The following STOX2 variants were observed in gnomAD, a reference collection of about 807,000 sequenced individuals.
The protein encoded by STOX2 is storkhead box 2.
STOX2 carries 28 observed loss-of-function variants against 60.9 expected under a neutral mutation model. That is an observed-to-expected ratio of 0.46 (90% CI 0.34 to 0.63). STOX2 has a LOEUF of 0.63. Ranked by LOEUF, STOX2 falls within the 30% of genes least tolerant of loss-of-function variation. The pLI is 0.01. For missense variants in STOX2, 1,024 were observed against 1,187.7 expected, an observed-to-expected ratio of 0.86 and a Z score of 2.03; for synonymous variants, 472 against 463.9, an observed-to-expected ratio of 1.02 and a Z score of -0.22.
In STOX2 at chr4:183,870,504, G is replaced by T. The variant is rs1052319335; in HGVS notation, c.364+72449G>T. 1.3e-5 allele frequency among the ~76,000 whole-genome samples: 2 copies of T among 152,214 alleles called. 1 individual carries two copies. Among genetic ancestry groups the T allele is most frequent in the Admixed American group, 1.3e-4 (2 of 15,286 alleles). On this transcript the variant is annotated intron_variant, in intron 1 of 2. Coordinates refer to the STOX2 transcript ENST00000513034. ...TTTTGTACTCTGAACTACACCATGAGTTGCCCTTTATAATATTGTTTATTG... is the reference window on the plus strand; with the variant it reads ...TTTTGTACTCTGAACTACACCATGATTTGCCCTTTATAATATTGTTTATTG...
At chr4:183,951,003 C>T (rs912579958) in intron 1 of STOX2, among the ~76,000 whole-genome samples, 78 of 152,122 alleles carry the variant, frequency 5.1e-4, no homozygotes, top group African/African-American at 1.6e-3. Context: ...ATCACGAGGT[C>T]AGGAGATCGA....
intron 1 of STOX2, among the ~76,000 whole-genome samples, chr4:183,973,096 G>A (rs1743790053): frequency 6.6e-6 from 1 of 152,066 alleles, no homozygotes; most frequent in Admixed American, 6.5e-5. Flanking sequence ...AGAGCTTCAA[G>A]GATGTGTGAG....
intron 1 of STOX2, among the ~76,000 whole-genome samples, chr4:183,951,216 A>G (rs1345857849): frequency 3.1e-5 from 4 of 127,210 alleles, no homozygotes; most frequent in Non-Finnish European, 6.6e-5. Context: ...CTCCGTCTCA[A>G]AAAAAAAGAA....
intron 1 of STOX2, chr4:183,798,835 T>C (rs1366312327): frequency 1.0e-6 from 1 of 962,126 alleles, no homozygotes; most frequent in African/African-American, 1.9e-5. Context: ...TCATTTCCCC[T>C]CCTTAATCCA....
chr4:183,899,033 C>A (rs1283695211), intron 1 of STOX2, among the ~76,000 whole-genome samples: 1 of 152,170 alleles, frequency 6.6e-6, no homozygotes, highest in Non-Finnish European at 1.5e-5. Context: ...GCAGTTCTCT[C>A]AATATTTCAA....
intron 1 of STOX2, among the ~76,000 whole-genome samples, chr4:183,802,283 A>G (rs1738783048): frequency 6.6e-6 from 1 of 152,238 alleles, no homozygotes; most frequent in Non-Finnish European, 1.5e-5. Context: ...CATGGGCATC[A>G]AGATTTTATT....
At chr4:184,004,618 A>C (rs915314472) in intron 2 of STOX2, among the ~76,000 whole-genome samples, 1 of 152,206 alleles carries the variant, frequency 6.6e-6, no homozygotes, top group Non-Finnish European at 1.5e-5. Context: ...AAACAAAAAA[A>C]AAATTCCGAT....
At chr4:183,874,689 G>C (rs1221251199) in intron 1 of STOX2, among the ~76,000 whole-genome samples, 16 of 151,510 alleles carry the variant, frequency 1.1e-4, no homozygotes, top group Non-Finnish European at 1.5e-5. Context: ...CACTTTGGGA[G>C]GCCGAGGCGG....
Position 184,022,246 on chromosome 4 carries a change from A to G in STOX2, c.*4962A>G, listed in dbSNP as rs1364893264. The G allele has an allele frequency of 2.0e-5, 3 of 152,220 alleles. No homozygotes were observed. Among genetic ancestry groups the G allele is most frequent in the African/African-American group, 7.2e-5 (3 of 41,440 alleles). The allele number at this position is 152,220 out of a possible 1,614,324, so 9.4% of individuals were successfully genotyped here. A position where few individuals can be genotyped will look rare whatever the true frequency, so the allele number is the denominator to read the frequency against. On this transcript the variant is annotated 3_prime_UTR_variant, in exon 4 of 4. Transcript: ENST00000308497. ...ATTCAGGCGATGTTTCATAAATTAC[A>G]TATATGAAAACATTCATTATTACAT...
In STOX2 at chr4:183,825,306, A is replaced by G. The variant is rs1276638786; in HGVS notation, c.364+27251A>G. ...GAGGAAGGAAGGACGTGTTCTTAGG[A>G]GGGAGATGCAGCTGATGAGGCTTCC... On this transcript the variant is annotated intron_variant, in intron 1 of 2. Transcript: ENST00000513034. The surrounding 1 kb of genome is among the most constrained non-coding windows in gnomAD (Gnocchi z 4.1). 3.9e-5 allele frequency among the ~76,000 whole-genome samples: 6 copies of G among 152,076 alleles called. No homozygotes were observed. Among genetic ancestry groups the G allele is most frequent in the Non-Finnish European group, 7.4e-5 (5 of 67,996 alleles).
intron 1 of STOX2, among the ~76,000 whole-genome samples, chr4:183,978,232 G>A (rs546277231): frequency 2.0e-5 from 3 of 152,218 alleles, no homozygotes; most frequent in South Asian, 4.1e-4. Context: ...ATAGTTTCAG[G>A]TCTTACATTT....
At chr4:184,008,936 T>C (rs1560938925) in intron 2 of STOX2, among the ~76,000 whole-genome samples, 1 of 152,308 alleles carries the variant, frequency 6.6e-6, no homozygotes, top group East Asian at 1.9e-4. Flanking sequence ...TCCATCTCTG[T>C]CTTCCCAGCT....
chr4:184,006,909 G>A (rs1189713433), intron 2 of STOX2, among the ~76,000 whole-genome samples: 21 of 146,690 alleles, frequency 1.4e-4, no homozygotes, highest in Admixed American at 3.4e-4. Flanking sequence ...CCAGCTACTT[G>A]GGAGGCTGAG....
intron 1 of STOX2, among the ~76,000 whole-genome samples, chr4:183,911,537 G>C (rs1579405813): frequency 6.6e-6 from 1 of 152,116 alleles, no homozygotes; most frequent in South Asian, 2.1e-4. Flanking sequence ...TATTTCCCAG[G>C]AGAACATGAG....
chr4:183,809,223 A>G (rs1478464493), intron 1 of STOX2, among the ~76,000 whole-genome samples: 1 of 151,940 alleles, frequency 6.6e-6, no homozygotes, highest in South Asian at 2.1e-4. Context: ...CTGGGGCTAC[A>G]GGCATGAGCC....
chr4:183,933,085 G>A (rs772627610), intron 1 of STOX2, among the ~76,000 whole-genome samples: 6 of 152,168 alleles, frequency 3.9e-5, no homozygotes, highest in Non-Finnish European at 8.8e-5. Flanking sequence ...TGGTTTATTA[G>A]TTAATGTTCG....
chr4:183,852,750 A>T, intron 1 of STOX2, among the ~76,000 whole-genome samples: 1 of 152,174 alleles, frequency 6.6e-6, no homozygotes, highest in East Asian at 1.9e-4. Flanking sequence ...ATTAATTTAA[A>T]CCTATTTAAT....
At chr4:183,950,679 C>T (rs974278393) in intron 1 of STOX2, among the ~76,000 whole-genome samples, 3 of 118 alleles carry the variant, frequency 0.025, no homozygotes, top group Admixed American at 0.12. Context: ...CGCATGAGGC[C>T]GGGGAGCCAC....
At chr4:183,891,704 TA>T (rs1163535464) in intron 1 of STOX2, among the ~76,000 whole-genome samples, 2 of 151,810 alleles carry the variant, frequency 1.3e-5, no homozygotes, top group East Asian at 1.9e-4. Context: ...AAATCACCAC[TA>T]AAAAACTTAC....
Sources: gnomAD v4.1 joint callset for allele counts (sites outside exome capture counted in the v4.1 genomes callset) on GRCh38, gnomAD v4.1.1 for gene constraint, Gnocchi (gnomAD v3.1) non-coding constraint, MANE v1.5 for transcripts, NCBI Gene and HGNC (gene_info 2026-07-23, HGNC 2026-07-21) for gene names.